Variants in MAD1L1 observed in about 807,000 individuals in gnomAD.
MAD1L1 encodes mitotic spindle assembly checkpoint protein MAD1.
Under a neutral mutation model 96.9 loss-of-function variants are expected in MAD1L1, and 95 were observed. The observed-to-expected ratio is 0.98, with a 90% CI of 0.83 to 1.16. MAD1L1 has a LOEUF of 1.16. Ranked by LOEUF, MAD1L1 falls within the 50% of genes most tolerant of loss-of-function variation. MAD1L1 has a pLI of 0.00. For missense variants in MAD1L1, 1,007 were observed against 954.4 expected (o/e 1.06, Z -0.73); for synonymous variants, 473 against 396.6 (o/e 1.19, Z -2.29).
At chr7:1,910,731 G>C (rs1307822863) in intron 17 of MAD1L1, among the ~76,000 whole-genome samples, 1 of 152,212 alleles carries the variant, frequency 6.6e-6, no homozygotes, top group African/African-American at 2.4e-5. Flanking sequence ...CTCGGGCTTT[G>C]AGTAGGTGCC....
At chr7:1,882,064 G>A (rs1018912994) in intron 18 of MAD1L1, among the ~76,000 whole-genome samples, 23 of 152,054 alleles carry the variant, frequency 1.5e-4, no homozygotes, top group Admixed American at 7.9e-4. Context: ...TGAACCTGGC[G>A]GTGGGCAGAC....
At chr7:1,979,397 C>A (rs912538895) in intron 15 of MAD1L1, among the ~76,000 whole-genome samples, 2 of 152,228 alleles carry the variant, frequency 1.3e-5, no homozygotes, top group Admixed American at 6.5e-5. Context: ...AGCCATGGGC[C>A]TCCTGCCACC....
intron 18 of MAD1L1, chr7:1,848,024 G>A (rs753948799): frequency 2.9e-6 from 1 of 339,202 alleles, no homozygotes; most frequent in Non-Finnish European, 5.8e-6. Context: ...TCATGACAGA[G>A]AAGCGGCTGG....
intron 14 of MAD1L1, among the ~76,000 whole-genome samples, chr7:1,988,885 C>T (rs1324106292): frequency 6.6e-6 from 1 of 152,216 alleles, no homozygotes; most frequent in Non-Finnish European, 1.5e-5. Flanking sequence ...GTGTGCCTGG[C>T]CCCTCCATGC....
chr7:1,847,531 G>A (rs1263363194), intron 18 of MAD1L1: 1 of 471,136 alleles, frequency 2.1e-6, no homozygotes, highest in Admixed American at 2.3e-5. Flanking sequence ...CCATGGGAGA[G>A]ACCAGACCAG....
rs6951493 is a variant in MAD1L1 at position 2,217,977 on chromosome 7, G to A, written c.663C>T (p.His221=). Residue 221 remains histidine, a synonymous_variant, in exon 7 of 19, where the codon CAC becomes CAT. Coordinates refer to ENST00000265854, the MANE Select transcript of MAD1L1 (RefSeq NM_001013836.2). ...AGTGACTCACCTTAATCTGCTGCTC[G>A]TGGTCTGCTCTTGCTTCTTGGCTGG... ...LQASQEARAD[H]EQQIKDLEQK... is the part of the protein sequence containing the mutation. The A allele has an allele frequency of 0.36, 581,159 of 1,612,056 alleles. 107,138 individuals carry two copies. The highest frequency in any genetic ancestry group is 0.47 in the East Asian group (21,198 of 44,836).
intron 13 of MAD1L1, among the ~76,000 whole-genome samples, chr7:2,012,536 G>A (rs867849124): frequency 2.1e-4 from 32 of 152,316 alleles, no homozygotes; most frequent in South Asian, 8.3e-4. Context: ...GCAGCCCTCC[G>A]CAGCAGGCCC....
At chr7:2,021,140 C>T (rs11762545) in intron 12 of MAD1L1, among the ~76,000 whole-genome samples, 24,808 of 152,076 alleles carry the variant, frequency 0.16, 2,568 homozygotes, top group Middle Eastern at 0.3. Context: ...GAGAAGGAGG[C>T]GAGGAGCGAA....
chr7:2,155,978 A>C (rs899772937), intron 10 of MAD1L1, among the ~76,000 whole-genome samples: 1 of 152,258 alleles, frequency 6.6e-6, no homozygotes, highest in Non-Finnish European at 1.5e-5. Context: ...TCATAGCCAT[A>C]ACATTGAGCA....
rs368005524 is a variant in MAD1L1 at position 2,098,508 on chromosome 7, C to T, written c.1074-29170G>A. Among the ~76,000 whole-genome samples, 291 of 152,322 alleles carry T rather than the reference C, an allele frequency of 1.9e-3. 1 individual carries two copies. The highest frequency in any genetic ancestry group is 6.9e-3 in the African/African-American group (285 of 41,574). ...GGGGTCCCACCAACCATGCCGTACG[C>T]AGCAGCAGTCACCCAAGCCATCATG... On this transcript the variant is annotated intron_variant, in intron 11 of 18. Coordinates refer to ENST00000265854, the MANE Select transcript of MAD1L1 (RefSeq NM_001013836.2).
At chr7:2,140,278 A>G (rs1788963602) in intron 11 of MAD1L1, among the ~76,000 whole-genome samples, 1 of 152,192 alleles carries the variant, frequency 6.6e-6, no homozygotes, top group Admixed American at 6.5e-5. Flanking sequence ...AACGTAAAAC[A>G]GTGACTCCAG....
intron 12 of MAD1L1, among the ~76,000 whole-genome samples, chr7:2,030,907 CCT>C (rs1783198326): frequency 1.3e-5 from 2 of 152,222 alleles, no homozygotes; most frequent in South Asian, 2.1e-4. Context: ...CCCATTCCAT[CCT>C]CTCTGTTCTT....
At chr7:1,955,090 G>T (rs181489731) in intron 16 of MAD1L1, among the ~76,000 whole-genome samples, 1 of 152,242 alleles carries the variant, frequency 6.6e-6, no homozygotes, top group Admixed American at 6.5e-5. Context: ...GCTCTAAGGG[G>T]TAACTGAAAT....
intron 11 of MAD1L1, among the ~76,000 whole-genome samples, chr7:2,097,075 G>A (rs571019653): frequency 1.3e-5 from 2 of 152,270 alleles, no homozygotes; most frequent in East Asian, 1.9e-4. Context: ...GCTGCAAGGC[G>A]GGAGATGTGA....
chr7:1,860,259 T>TC (rs71550327), intron 18 of MAD1L1, among the ~76,000 whole-genome samples: 5 of 133,194 alleles, frequency 3.8e-5, no homozygotes, highest in South Asian at 2.4e-4. Context: ...GCGGCCTCTG[T>TC]TCCCTAGACC....
intron 5 of MAD1L1, among the ~76,000 whole-genome samples, chr7:2,219,806 A>C (rs2115003222): frequency 6.6e-6 from 1 of 152,240 alleles, no homozygotes; most frequent in East Asian, 1.9e-4. Context: ...AGAGCAGCAC[A>C]GCCCAGAGCC....
At chr7:1,973,148 T>C (rs1262452566) in intron 15 of MAD1L1, among the ~76,000 whole-genome samples, 1 of 152,198 alleles carries the variant, frequency 6.6e-6, no homozygotes, top group Non-Finnish European at 1.5e-5. Context: ...CCACAGACAC[T>C]GATTAGGTCC....
intron 17 of MAD1L1, among the ~76,000 whole-genome samples, chr7:1,907,300 C>A (rs919224512): frequency 6.6e-6 from 1 of 152,264 alleles, no homozygotes; most frequent in African/African-American, 2.4e-5. Context: ...CACCGAGGAC[C>A]CCAAGCCCCA....
Position 2,219,381 on chromosome 7 carries a change from G to T in MAD1L1, c.547C>A (p.Leu183Met). Residue 183 changes from leucine to methionine, a missense_variant, in exon 6 of 19, where the codon CTG becomes ATG. By Grantham distance (15) the Leu-to-Met change is conservative. Transcript: ENST00000265854. Reference protein sequence around the residue: ...VMDQEMRVKRLESEKQELQEQ... With the variant: ...VMDQEMRVKRMESEKQELQEQ... ...TGCAGCTCCTGCTTCTCCGACTCCA[G>T]GCGCTTCACCCGCATCTCCTGGTCC... 1 of 1,608,510 alleles carries T rather than the reference G, an allele frequency of 6.2e-7. No homozygotes were observed. The highest frequency in any genetic ancestry group is 8.5e-7 in the Non-Finnish European group (1 of 1,177,398).
Sources: gnomAD v4.1 joint callset for allele counts (sites outside exome capture counted in the v4.1 genomes callset) on GRCh38, gnomAD v4.1.1 for gene constraint, MANE v1.5 for transcripts, NCBI Gene and HGNC (gene_info 2026-07-23, HGNC 2026-07-21) for gene names.